The following DMD variants were observed in gnomAD, a reference collection of about 807,000 sequenced individuals.
The protein encoded by DMD is dystrophin.
DMD carries 63 observed loss-of-function variants against 330.1 expected under a neutral mutation model. That is an observed-to-expected ratio of 0.19 (90% confidence interval 0.16 to 0.24). The LOEUF is 0.24. DMD is among the 10% of genes least tolerant of loss of function. The pLI is 1.00. For missense variants in DMD, 3,344 were observed against 2,684.1 expected (o/e 1.25, Z -5.43); for synonymous variants, 1,223 against 959.8 (o/e 1.27, Z -5.07).
chrX:32,430,224 G>T (rs774295473), intron 29 of DMD, among the ~76,000 whole-genome samples: 3 of 111,663 alleles, frequency 2.7e-5, no homozygotes, highest in Non-Finnish European at 3.8e-5. Context: ...ACCTCTAGCT[G>T]CTAATATAAA....
intron 9 of DMD, among the ~76,000 whole-genome samples, chrX:32,682,577 T>C (rs2062511979): frequency 8.9e-6 from 1 of 111,944 alleles, no homozygotes; most frequent in Non-Finnish European, 1.9e-5. Flanking sequence ...GGAATTTAAT[T>C]TTTTATGCTT....
intron 25 of DMD, among the ~76,000 whole-genome samples, chrX:32,456,015 T>C (rs1039559483): frequency 3.6e-5 from 4 of 111,248 alleles, no homozygotes; most frequent in Non-Finnish European, 5.7e-5. Flanking sequence ...GCTTTTACTT[T>C]AAAAAGTAAC....
chrX:32,408,557 A>C (rs764374260), intron 30 of DMD, among the ~76,000 whole-genome samples: 1 of 111,640 alleles, frequency 9.0e-6, no homozygotes, highest in East Asian at 2.8e-4. Flanking sequence ...ATTCAAATTA[A>C]CTAGCAAAAC....
At chrX:33,186,449 A>G (rs1045858054) in intron 1 of DMD, among the ~76,000 whole-genome samples, 2 of 111,316 alleles carry the variant, frequency 1.8e-5, no homozygotes, top group African/African-American at 3.3e-5. Flanking sequence ...TAGACATACC[A>G]CATAAATGTT....
At chrX:31,266,732 C>T in intron 62 of DMD, 7 of 1,026,026 alleles carry the variant, frequency 6.8e-6, no homozygotes, top group Non-Finnish European at 9.5e-6. Flanking sequence ...GTTTTGACCG[C>T]CTCAGCTTGC....
intron 55 of DMD, among the ~76,000 whole-genome samples, chrX:31,625,886 A>G (rs1198646608): frequency 1.8e-5 from 2 of 112,178 alleles, no homozygotes; most frequent in South Asian, 3.7e-4. Context: ...TTTATTTTTC[A>G]AAGTAATCTG....
chrX:31,800,103 A>G (rs904500903), intron 50 of DMD, among the ~76,000 whole-genome samples: 2 of 112,377 alleles, frequency 1.8e-5, no homozygotes, highest in African/African-American at 6.5e-5. Context: ...ATTTCTGACT[A>G]TTCTGGGGTT....
At chrX:33,017,032 C>A (rs1420136930) in intron 2 of DMD, among the ~76,000 whole-genome samples, 2 of 111,282 alleles carry the variant, frequency 1.8e-5, no homozygotes, top group African/African-American at 6.5e-5. Flanking sequence ...AAATATTGTT[C>A]AGTTATCTCT....
chrX:32,960,915 G>C lies in DMD; in HGVS notation c.93+59224C>G, dbSNP rs970302812. Among the ~76,000 whole-genome samples the C allele has an allele frequency of 2.4e-4, 7 of 28,778 alleles. No homozygotes were observed. The South Asian group carries it at 0.011, about 44-fold the overall frequency. 25.0% of individuals were successfully genotyped at this position (28,778 alleles called of 115,157 possible). On this transcript the variant is annotated intron_variant, in intron 2 of 78. Transcript: ENST00000357033. ...ACATGATTATTTTATTGCACCATTTGTAAAAAAAAAAAAAAAAAAAAAAGG... is the reference window on the plus strand; with the variant it reads ...ACATGATTATTTTATTGCACCATTTCTAAAAAAAAAAAAAAAAAAAAAAGG...
intron 30 of DMD, among the ~76,000 whole-genome samples, chrX:32,394,924 A>AAAAAACAAC (rs1253028576): frequency 4.8e-4 from 42 of 86,704 alleles, no homozygotes; most frequent in Non-Finnish European, 8.1e-4. Context: ...AACAAAAAAA[A>AAAAAACAAC]AAAAAAAAAG....
chrX:32,732,412 T>C (rs775368200), intron 7 of DMD, among the ~76,000 whole-genome samples: 8 of 109,581 alleles, frequency 7.3e-5, no homozygotes, highest in Admixed American at 2.0e-4. Flanking sequence ...ATACAGAGAA[T>C]GCCACAAAGA....
chrX:31,809,590 G>A (rs1019133616), intron 50 of DMD, among the ~76,000 whole-genome samples: 18 of 110,802 alleles, frequency 1.6e-4, no homozygotes, highest in African/African-American at 5.6e-4. Flanking sequence ...TTGGAAATAA[G>A]AGTAAAACAT....
chrX:32,919,674 C>T (rs2088198823), intron 2 of DMD, among the ~76,000 whole-genome samples: 2 of 111,902 alleles, frequency 1.8e-5, no homozygotes. Flanking sequence ...ATTCCTATTT[C>T]CTAGGTTCCC....
intron 74 of DMD, among the ~76,000 whole-genome samples, chrX:31,157,200 T>C (rs2038240024): frequency 8.9e-6 from 1 of 112,339 alleles, no homozygotes; most frequent in Admixed American, 9.4e-5. Context: ...CACGTAGATC[T>C]GTATCTTGCT....
chrX:31,367,893 A>T (rs1323701041), intron 60 of DMD, among the ~76,000 whole-genome samples: 1 of 111,953 alleles, frequency 8.9e-6, no homozygotes, highest in Non-Finnish European at 1.9e-5. Flanking sequence ...TATAGGGAGA[A>T]TTCAACAAAT....
intron 45 of DMD, among the ~76,000 whole-genome samples, chrX:31,947,392 T>A (rs915313515): frequency 1.1e-4 from 12 of 112,392 alleles, no homozygotes; most frequent in Non-Finnish European, 2.1e-4. Context: ...CCCAAAGCAC[T>A]GAGATGACAG....
rs1603634201 is a variant in DMD, at chrX:32,468,531, T to C, written c.3129A>G (p.Leu1043=). 1 of 1,209,867 alleles carries C rather than the reference T, an allele frequency of 8.3e-7. No homozygotes were observed. Among genetic ancestry groups the C allele is most frequent in the Non-Finnish European group, 1.1e-6 (1 of 894,392 alleles). ...SSQLVEHCQK[L]EEQMNKLRKI... Reference sequence around the variant, plus strand: ...TTCGGAGTTTATTCATTTGCTCCTCTAGCTTTTGACAATGCTCAACCAGCT... The same window carrying C: ...TTCGGAGTTTATTCATTTGCTCCTCCAGCTTTTGACAATGCTCAACCAGCT... The change falls in exon 23 of 79, where the codon CTA becomes CTG. Residue 1043 remains leucine (L), a synonymous_variant. Transcript: ENST00000357033.
At chrX:33,015,035 G>A (rs752411675) in intron 2 of DMD, among the ~76,000 whole-genome samples, 15 of 111,258 alleles carry the variant, frequency 1.3e-4, no homozygotes, top group East Asian at 8.5e-4. Flanking sequence ...GTGGGGCTGC[G>A]GAGAAAATGG....
chrX:31,280,372 T>C (rs1347157963), intron 62 of DMD, among the ~76,000 whole-genome samples: 1 of 111,896 alleles, frequency 8.9e-6, no homozygotes, highest in Non-Finnish European at 1.9e-5. Flanking sequence ...ATTCTATTTA[T>C]AGAAAATTCT....
Sources: allele counts gnomAD v4.1 joint callset (sites outside exome capture counted in the v4.1 genomes callset), GRCh38; gene constraint gnomAD v4.1.1; transcripts MANE v1.5; gene names NCBI Gene and HGNC (gene_info 2026-07-23, HGNC 2026-07-21).